The following CHCHD3 variants were observed in gnomAD, a reference collection of about 807,000 sequenced individuals.
The protein encoded by CHCHD3 is MICOS complex subunit MIC19.
In CHCHD3, 20 loss-of-function variants were observed where a neutral mutation model predicts 38.2. That is an observed-to-expected ratio of 0.52 (90% CI 0.37 to 0.76). The LOEUF is 0.76. Among genes scored for constraint, CHCHD3 ranks in the 30% least tolerant of loss-of-function variants. The pLI, the probability that CHCHD3 is intolerant of heterozygous loss-of-function variation, is 0.00. For synonymous variants in CHCHD3, 82 were observed against 100.0 expected (o/e 0.82, Z 1.07); for missense variants, 245 against 279.2 (o/e 0.88, Z 0.87).
chr7:133,019,546 T>C (rs1411286686), intron 3 of CHCHD3, among the ~76,000 whole-genome samples: 2 of 152,220 alleles, frequency 1.3e-5, no homozygotes, highest in Non-Finnish European at 2.9e-5. Flanking sequence ...CCACTCATTA[T>C]ACCAGATAGA....
chr7:133,014,992 C>G (rs1375079587), intron 3 of CHCHD3, among the ~76,000 whole-genome samples: 1 of 152,160 alleles, frequency 6.6e-6, no homozygotes, highest in Non-Finnish European at 1.5e-5. Context: ...GAACTGAACT[C>G]ATGAGAAATT....
At chr7:133,037,842 C>T (rs953139421) in intron 2 of CHCHD3, among the ~76,000 whole-genome samples, 3 of 152,092 alleles carry the variant, frequency 2.0e-5, no homozygotes, top group Admixed American at 2.0e-4. Flanking sequence ...TACATAAATA[C>T]ATATGCCAAA....
intron 3 of CHCHD3, among the ~76,000 whole-genome samples, chr7:133,002,134 A>G (rs1207193816): frequency 6.6e-6 from 1 of 152,190 alleles, no homozygotes; most frequent in Non-Finnish European, 1.5e-5. Flanking sequence ...CTAGGACCAC[A>G]CTCTTAACCA....
chr7:133,032,318 G>A (rs1584658481), intron 2 of CHCHD3, among the ~76,000 whole-genome samples: 1 of 152,048 alleles, frequency 6.6e-6, no homozygotes, highest in African/African-American at 2.4e-5. Context: ...ACCTGGCAGG[G>A]GTAACTGTGG....
chr7:133,007,226 G>A (rs1204749812), intron 3 of CHCHD3, among the ~76,000 whole-genome samples: 1 of 152,142 alleles, frequency 6.6e-6, no homozygotes, highest in Admixed American at 6.5e-5. Flanking sequence ...GAGCAGACCA[G>A]GCTAATAAAG....
Position 133,082,014 on chromosome 7 carries a change from G to C in CHCHD3, c.-77C>G. On this transcript the variant is annotated 5_prime_UTR_variant, in exon 1 of 8. Transcript: ENST00000262570. ...GGGGCCCCCGCACCCACACGCGCGT[G>C]GAAGGGCCTGGATTCTTTTCCCGCA... 1 of 1,288,866 alleles carries C rather than the reference G, an allele frequency of 7.8e-7. No individual in the cohort carries two copies. The allele number at this position is 1,288,866 out of a possible 1,614,324, so 79.8% of individuals were successfully genotyped here.
intron 5 of CHCHD3, among the ~76,000 whole-genome samples, chr7:132,842,077 G>A (rs974541307): frequency 1.3e-5 from 2 of 151,786 alleles, no homozygotes; most frequent in Non-Finnish European, 1.5e-5. Context: ...CAGCCTGGGC[G>A]ACAGAGCAAG....
At chr7:132,927,247 G>C (rs909989369) in intron 4 of CHCHD3, among the ~76,000 whole-genome samples, 6 of 152,184 alleles carry the variant, frequency 3.9e-5, no homozygotes, top group African/African-American at 1.2e-4. Context: ...TAATGCTTCT[G>C]ATTCCTTCCT....
intron 5 of CHCHD3, 96 bp from the exon 6 acceptor site, chr7:132,838,565 A>G (rs1370567852): frequency 3.5e-6 from 3 of 855,528 alleles, no homozygotes; most frequent in Non-Finnish European, 5.7e-6. Flanking sequence ...ACCTTGTTTC[A>G]GCCACTCAAG....
intron 4 of CHCHD3, among the ~76,000 whole-genome samples, chr7:132,902,415 AC>A (rs1468207084): frequency 2.6e-5 from 4 of 152,214 alleles, no homozygotes; most frequent in African/African-American, 9.6e-5. Context: ...CTTGGAACCA[AC>A]CCAAATGTCC....
chr7:132,973,831 T>A (rs1811683022), intron 4 of CHCHD3: 1 of 1,117,088 alleles, frequency 9.0e-7, no homozygotes, highest in Non-Finnish European at 1.1e-6. Context: ...CCTAGTGAAC[T>A]AGGAAAATCC....
At chr7:133,036,364 A>C (rs1422021631) in intron 2 of CHCHD3, among the ~76,000 whole-genome samples, 1 of 152,234 alleles carries the variant, frequency 6.6e-6, no homozygotes, top group Non-Finnish European at 1.5e-5. Context: ...AAAATCTTTA[A>C]AAGAATAGTA....
chr7:133,020,538 T>C (rs1173229365), intron 3 of CHCHD3, among the ~76,000 whole-genome samples: 2 of 152,236 alleles, frequency 1.3e-5, no homozygotes, highest in South Asian at 4.1e-4. Flanking sequence ...TGACAAATTT[T>C]ATGGTCTGAA....
chr7:132,786,055 G>A (rs1806308512), intron 7 of CHCHD3, among the ~76,000 whole-genome samples: 1 of 152,178 alleles, frequency 6.6e-6, no homozygotes, highest in East Asian at 1.9e-4. Context: ...GTGTGTGCCT[G>A]TAGTCTCAGT....
At position 133,070,160 on chromosome 7, in the gene CHCHD3, C is replaced by G; in HGVS notation, c.151G>C (p.Gly51Arg). The G allele has an allele frequency of 6.2e-7, 1 of 1,611,514 alleles. No individual in the cohort carries two copies. The highest frequency in any genetic ancestry group is 8.5e-7 in the Non-Finnish European group (1 of 1,179,610). ...PSGSKSQRYS[G>R]AYGASVSDEE... ...GCAATACCTGAGGCACCATAAGCACCAGAATACCGCTGAGACTTCGAACCA... is the reference window on the plus strand; with the variant it reads ...GCAATACCTGAGGCACCATAAGCACGAGAATACCGCTGAGACTTCGAACCA... Residue 51 changes from glycine (G) to arginine (R), a missense_variant, in exon 2 of 8, where the codon GGT becomes CGT. Transcript: ENST00000262570.
chr7:132,962,792 T>C (rs1429182638), intron 4 of CHCHD3, among the ~76,000 whole-genome samples: 1 of 152,204 alleles, frequency 6.6e-6, no homozygotes, highest in Non-Finnish European at 1.5e-5. Flanking sequence ...ACTAAAACTC[T>C]AGCAATGACA....
At chr7:132,928,962 T>C (rs1810450887) in intron 4 of CHCHD3, among the ~76,000 whole-genome samples, 1 of 152,140 alleles carries the variant, frequency 6.6e-6, no homozygotes, top group Non-Finnish European at 1.5e-5. Flanking sequence ...ACCTCTTTCT[T>C]ACATTTTTTA....
At position 132,834,430 on chromosome 7, in the gene CHCHD3, T is replaced by C. The variant is rs183557054; in HGVS notation, c.524+3969A>G. On this transcript the variant is annotated intron_variant, in intron 6 of 7. Coordinates refer to ENST00000262570, the MANE Select transcript of CHCHD3 (RefSeq NM_017812.4). ...GCTATTAGAATTTCTTCAAAGTGTGTTAAAACCTAGGTTTTGTGTGCAATG... is the reference window on the plus strand; with the variant it reads ...GCTATTAGAATTTCTTCAAAGTGTGCTAAAACCTAGGTTTTGTGTGCAATG... Among the ~76,000 whole-genome samples the C allele has an allele frequency of 2.0e-5, 3 of 152,310 alleles. No homozygotes were observed. In the East Asian group the frequency reaches 5.8e-4, roughly 29 times the overall value.
Position 132,821,936 on chromosome 7 carries a change from G to A in CHCHD3, c.524+16463C>T, listed in dbSNP as rs543099299. ...CGCCACCGCGCCCGGCTAATTTTTT[G>A]TATTTTTAGTAGAGACGGGGTTTCA... On this transcript the variant is annotated intron_variant, in intron 6 of 7. Coordinates refer to ENST00000262570, the MANE Select transcript of CHCHD3 (RefSeq NM_017812.4). Among the ~76,000 whole-genome samples the A allele has an allele frequency of 2.4e-4, 37 of 151,868 alleles. No homozygotes were observed. The South Asian group carries it at 7.5e-3, about 31-fold the overall frequency.
Sources: allele counts gnomAD v4.1 joint callset (sites outside exome capture counted in the v4.1 genomes callset), GRCh38; gene constraint gnomAD v4.1.1; transcripts MANE v1.5; gene names NCBI Gene and HGNC (gene_info 2026-07-23, HGNC 2026-07-21).